CFAP43: variants seen among roughly 807,000 people sequenced by gnomAD.
The protein encoded by CFAP43 is cilia- and flagella-associated protein 43.
CFAP43 carries 155 observed loss-of-function variants against 218.9 expected under a neutral mutation model. The observed-to-expected ratio is 0.71, with a 90% CI of 0.62 to 0.81. The LOEUF is 0.81. Ranked by LOEUF, CFAP43 falls within the 30% of genes least tolerant of loss-of-function variation. The probability of loss-of-function intolerance (pLI) is 0.00; values close to 1 mark genes in which losing one functional copy is unlikely to be tolerated. For missense variants in CFAP43, 1,778 were observed against 1,954.3 expected (o/e 0.91, Z 1.70); for synonymous variants, 645 against 681.3 (o/e 0.95, Z 0.83).
chr10:104,154,092 C>A (rs1316752040), intron 27 of CFAP43, among the ~76,000 whole-genome samples: 4 of 152,174 alleles, frequency 2.6e-5, no homozygotes, highest in Non-Finnish European at 5.9e-5. Context: ...GTGTCTGCCA[C>A]TTTCTCTATT....
chr10:104,205,083 T>G (rs1405008307), intron 7 of CFAP43, among the ~76,000 whole-genome samples: 1 of 151,404 alleles, frequency 6.6e-6, no homozygotes, highest in Non-Finnish European at 1.5e-5. Flanking sequence ...CGTGGTGGTG[T>G]GCACCTGTAG....
chr10:104,181,335 G>A lies in CFAP43; in HGVS notation c.2289+1031C>T, dbSNP rs116763452. Among the ~76,000 whole-genome samples, 983 of 152,048 alleles carry A rather than the reference G, an allele frequency of 6.5e-3. 12 individuals carry two copies. Among genetic ancestry groups the A allele is most frequent in the African/African-American group, 0.023 (964 of 41,452 alleles). ...CTGGAATCCACCACTTCTCTCCTTG[G>A]CACAAGACTCCTCCACCTCCATCAT... is the stretch of plus-strand genomic sequence containing the variant. On this transcript the variant is annotated intron_variant, in intron 17 of 37. Transcript: ENST00000357060.
chr10:104,146,796 G>A (rs988083937), intron 29 of CFAP43, among the ~76,000 whole-genome samples: 8 of 151,998 alleles, frequency 5.3e-5, no homozygotes, highest in Admixed American at 5.2e-4. Flanking sequence ...AAACTTTCAG[G>A]GCTTGATCAT....
At position 104,166,515 on chromosome 10, in the gene CFAP43, C is replaced by G. The variant is rs1439315227; in HGVS notation, c.3012G>C (p.Glu1004Asp). The change falls in exon 23 of 38, where the codon GAG (glutamate) becomes GAC (aspartate). Residue 1004 changes from glutamate to aspartate, a missense_variant. Around this residue, in one of 3 missense-constraint regions of CFAP43, gnomAD observed 1,553 missense variants for 1,685.2 expected, o/e 0.92. Transcript: ENST00000357060. ...TCAATAATATAATTTGGTTGATTTT[C>G]TCTTCTCTGGAATGAAGCTCCAATT... ...SSQLELHSRE[E>D]KINQIILLKD... 1 of 1,612,928 alleles carries G rather than the reference C, an allele frequency of 6.2e-7. No individual in the cohort carries two copies. Among genetic ancestry groups the G allele is most frequent in the Admixed American group, 1.7e-5 (1 of 59,764 alleles).
chr10:104,133,837 T>C, intron 34 of CFAP43, 53 bp from the exon 35 acceptor site: 1 of 1,436,450 alleles, frequency 7.0e-7, no homozygotes, highest in Non-Finnish European at 9.4e-7. Context: ...ATATAGAACA[T>C]AGAATATTTG....
In CFAP43 at chr10:104,214,351, G is replaced by A. The variant is rs745502432; in HGVS notation, c.492C>T (p.Pro164=). The A allele has an allele frequency of 1.2e-6, 2 of 1,611,460 alleles. No individual in the cohort carries two copies. The highest frequency in any genetic ancestry group is 2.7e-5 in the African/African-American group (2 of 74,850). ...ATAAGCACAGCTGGCGCCAGTTCAT[G>A]GGGTTAAAAGACATTTGGTTCACAT... ...GMDVNQMSFN[P]MNWRQLCLSS... The change falls in exon 4 of 38, where the codon CCC becomes CCT. Residue 164 remains proline (P), a synonymous_variant. Coordinates refer to ENST00000357060, the MANE Select transcript of CFAP43 (RefSeq NM_025145.7).
intron 3 of CFAP43, among the ~76,000 whole-genome samples, chr10:104,219,043 C>A (rs556645934): frequency 8.5e-5 from 13 of 152,230 alleles, no homozygotes; most frequent in Non-Finnish European, 1.8e-4. Flanking sequence ...ATATCAGCTG[C>A]CAACTAGACA....
intron 24 of CFAP43, among the ~76,000 whole-genome samples, chr10:104,163,812 T>A (rs886535325): frequency 6.6e-6 from 1 of 152,242 alleles, no homozygotes; most frequent in Non-Finnish European, 1.5e-5. Flanking sequence ...CAGAGTGATG[T>A]GAACTAAGAG....
chr10:104,175,416 T>C (rs2089591030), intron 19 of CFAP43, among the ~76,000 whole-genome samples: 1 of 152,116 alleles, frequency 6.6e-6, no homozygotes, highest in South Asian at 2.1e-4. Context: ...CTAAGCAAGA[T>C]CCTGTCTCTA....
Position 104,185,877 on chromosome 10 carries a change from A to G in CFAP43, c.2010+97T>C, listed in dbSNP as rs2090011963. ...CCTTCAATATCTTTTCAGAGTTTTT[A>G]TGCATATATAAGCAAATTTTTATAT... On this transcript the variant is annotated intron_variant, in intron 15 of 37. Transcript: ENST00000357060. 5.9e-6 allele frequency: 6 copies of G among 1,017,904 alleles called. 1 individual carries two copies. Among genetic ancestry groups the G allele is most frequent in the Non-Finnish European group, 8.4e-6 (6 of 716,712 alleles). The allele number at this position is 1,017,904 out of a possible 1,614,324, so 63.1% of individuals were successfully genotyped here.
At position 104,172,201 on chromosome 10, in the gene CFAP43, T is replaced by C. The variant is rs147712002; in HGVS notation, c.2586+209A>G. Among the ~76,000 whole-genome samples, 1,124 of 152,344 alleles carry C rather than the reference T, an allele frequency of 7.4e-3. 11 individuals carry two copies. Among genetic ancestry groups the C allele is most frequent in the African/African-American group, 0.022 (917 of 41,578 alleles). ...GGAGGGGAAGCAAATGTCAGATGTC[T>C]GGCTGGCCTAGATGTTCTCCCTGCT... On this transcript the variant is annotated intron_variant, in intron 20 of 37. Coordinates refer to ENST00000357060, the MANE Select transcript of CFAP43 (RefSeq NM_025145.7).
intron 12 of CFAP43, among the ~76,000 whole-genome samples, chr10:104,190,747 A>G (rs2090184636): frequency 6.6e-6 from 1 of 152,114 alleles, no homozygotes; most frequent in African/African-American, 2.4e-5. Flanking sequence ...AGTCCTACCA[A>G]TTCCATCACT....
intron 3 of CFAP43, chr10:104,218,788 G>A (rs1301676137): frequency 3.6e-6 from 2 of 549,686 alleles, no homozygotes; most frequent in African/African-American, 1.9e-5. Context: ...CGGTGGTTTA[G>A]GGTTCCTCTG....
Position 104,129,964 on chromosome 10 carries a change from G to T in CFAP43, c.*175C>A. ...GGTATTTTACACATTTATTCATGCA[G>T]GACAAAAATTTGTATACAATTAAGG... On this transcript the variant is annotated 3_prime_UTR_variant, in exon 38 of 38. Coordinates refer to ENST00000357060, the MANE Select transcript of CFAP43 (RefSeq NM_025145.7). 1.5e-6 allele frequency: 1 copy of T among 662,682 alleles called. No homozygotes were observed. The highest frequency in any genetic ancestry group is 2.3e-6 in the Non-Finnish European group (1 of 429,694). 41.1% of individuals were successfully genotyped at this position (662,682 alleles called of 1,614,324 possible).
At chr10:104,177,818 G>C (rs904212046) in intron 19 of CFAP43, among the ~76,000 whole-genome samples, 2 of 152,194 alleles carry the variant, frequency 1.3e-5, no homozygotes, top group Non-Finnish European at 2.9e-5. Context: ...GGAAACACTG[G>C]AAGCCAGGAG....
chr10:104,164,321 T>C lies in CFAP43; in HGVS notation c.3040-21A>G, dbSNP rs188187730. Reference sequence around the variant, plus strand: ...ATATCCTGAAATATTAACATGTTACTGAAAACACATCACATATTATATCTT... The same window carrying C: ...ATATCCTGAAATATTAACATGTTACCGAAAACACATCACATATTATATCTT... On this transcript the variant is annotated intron_variant, in intron 23 of 37. Coordinates refer to ENST00000357060, the MANE Select transcript of CFAP43 (RefSeq NM_025145.7). 49 of 1,470,978 alleles carry C rather than the reference T, an allele frequency of 3.3e-5. No individual in the cohort carries two copies. In the African/African-American group the frequency reaches 5.4e-4, roughly 16 times the overall value. 91.1% of individuals were successfully genotyped at this position (1,470,978 alleles called of 1,614,324 possible). A position where few individuals can be genotyped will look rare whatever the true frequency, so the allele number is the denominator to read the frequency against.
At chr10:104,146,206 A>C in intron 30 of CFAP43, 57 bp downstream of exon 30, 1 of 1,426,690 alleles carries the variant, frequency 7.0e-7, no homozygotes, top group Non-Finnish European at 9.9e-7. Flanking sequence ...ACCTTCCTCC[A>C]ATCCAGGCAG....
At chr10:104,166,817 T>C (rs2134829483) in intron 22 of CFAP43, 99 bp from the exon 23 acceptor site, 1 of 1,080,712 alleles carries the variant, frequency 9.3e-7, no homozygotes, top group East Asian at 2.4e-5. Flanking sequence ...TCATTTTAAT[T>C]TGTTGAATTG....
Position 104,166,643 on chromosome 10 carries a change from C to A in CFAP43, c.2884G>T (p.Glu962Ter). The change falls in exon 23 of 38, where the codon GAG becomes TAG. Residue 962 changes from glutamate (E) to a stop codon, truncating the protein, a stop_gained. Transcript: ENST00000357060. LOFTEE classifies it high-confidence loss of function. ...KQRHEEDDEEEEEEDKTVKYS... is the reference protein window; with the variant it reads ...KQRHEEDDEE ...TTTACTGTCTTGTCTTCCTCTTCCT[C>A]TTCTTCATCATCCTCTTCATGACGC... 6.2e-7 allele frequency: 1 copy of A among 1,614,144 alleles called. No homozygotes were observed. The highest frequency in any genetic ancestry group is 8.5e-7 in the Non-Finnish European group (1 of 1,180,020).
Sources: allele counts gnomAD v4.1 joint callset (sites outside exome capture counted in the v4.1 genomes callset), GRCh38; gene constraint gnomAD v4.1.1; regional missense constraint gnomAD v4.1.1; transcripts MANE v1.5; gene names NCBI Gene and HGNC (gene_info 2026-07-23, HGNC 2026-07-21).